Variants in CCDC3 observed in about 807,000 individuals in gnomAD.
The protein encoded by CCDC3 is coiled-coil domain-containing protein 3.
Under a neutral mutation model 21.4 loss-of-function variants are expected in CCDC3, and 24 were observed. The observed-to-expected ratio is 1.12, with a 90% CI of 0.81 to 1.58. The LOEUF (loss-of-function observed/expected upper bound fraction) is 1.58. CCDC3 is among the 40% of genes most tolerant of loss of function. The pLI, the probability that CCDC3 is intolerant of heterozygous loss-of-function variation, is 0.00. For synonymous variants in CCDC3, 186 were observed against 166.0 expected, an observed-to-expected ratio of 1.12 and a Z score of -0.93; for missense variants, 425 against 360.9, an observed-to-expected ratio of 1.18 and a Z score of -1.44.
intron 2 of CCDC3, among the ~76,000 whole-genome samples, chr10:12,969,795 C>A (rs1404918844): frequency 6.7e-6 from 1 of 149,990 alleles, no homozygotes; most frequent in Admixed American, 6.6e-5. Flanking sequence ...GAAATCCTGT[C>A]ATTTGTGACA....
intron 2 of CCDC3, among the ~76,000 whole-genome samples, chr10:12,910,494 C>A (rs1589000338): frequency 6.7e-6 from 1 of 150,182 alleles, no homozygotes; most frequent in Non-Finnish European, 1.5e-5. Context: ...AGATGACAAG[C>A]ACAATGATAC....
At chr10:12,935,785 C>T (rs1406810470) in intron 2 of CCDC3, among the ~76,000 whole-genome samples, 6 of 152,058 alleles carry the variant, frequency 3.9e-5, no homozygotes, top group South Asian at 4.1e-4. Flanking sequence ...CCTGCCTCAA[C>T]CTCTAGAGTA....
intron 5 of CCDC3, among the ~76,000 whole-genome samples, chr10:13,022,095 C>A (rs1026163807): frequency 1.3e-5 from 2 of 152,128 alleles, no homozygotes; most frequent in Non-Finnish European, 2.9e-5. Context: ...TCCTTCCTCC[C>A]CCAGCCCACC....
chr10:12,935,408 TC>T (rs1303716293), intron 2 of CCDC3, among the ~76,000 whole-genome samples: 1 of 152,170 alleles, frequency 6.6e-6, no homozygotes. Flanking sequence ...ATTATGGCAA[TC>T]TATCTTTTAA....
intron 2 of CCDC3, among the ~76,000 whole-genome samples, chr10:12,960,168 A>AACACACAC (rs10626900): frequency 0.61 from 90,319 of 148,580 alleles, 27,223 homozygotes; most frequent in East Asian, 0.71. Flanking sequence ...ACACACACAC[A>AACACACAC]ACACACACAC....
intron 4 of CCDC3, among the ~76,000 whole-genome samples, chr10:13,063,675 C>G (rs935040156): frequency 2.6e-5 from 4 of 152,194 alleles, no homozygotes; most frequent in Admixed American, 2.0e-4. Flanking sequence ...GATGTACCAC[C>G]TCTCTACAAA....
At chr10:13,005,231 A>C (rs983847321), upstream of CCDC3, among the ~76,000 whole-genome samples, 5 of 152,244 alleles carry the variant, frequency 3.3e-5, no homozygotes, top group Non-Finnish European at 7.3e-5. Flanking sequence ...TAATACAGAA[A>C]AATCTTCAAA....
rs1836201324 is a variant in CCDC3, at chr10:13,025,371, A to G, written c.-2+24303T>C. Among the ~76,000 whole-genome samples, 4 of 152,198 alleles carry G rather than the reference A, an allele frequency of 2.6e-5. No individual in the cohort carries two copies. The South Asian group carries it at 8.3e-4, about 32-fold the overall frequency. ...AGCCTTCCCTTGCATCAGTCTTCCT[A>G]AAGTTGCATTGGCCAAAGCTCATCA... On this transcript the variant is annotated intron_variant, in intron 5 of 6. Coordinates refer to the CCDC3 transcript ENST00000378839.
intron 5 of CCDC3, among the ~76,000 whole-genome samples, chr10:13,033,098 A>C (rs1450875952): frequency 2.0e-5 from 3 of 152,238 alleles, no homozygotes; most frequent in Non-Finnish European, 4.4e-5. Context: ...CTATACTACA[A>C]GGCTACAGTA....
chr10:13,059,827 C>T lies in CCDC3; in HGVS notation c.-269-9886G>A, dbSNP rs547459057. ...TGTTTTGGCCGGGCGCGGTGGCTCACGCTTGTAATCCCAGCACTTTGGGAG... is the reference window on the plus strand; with the variant it reads ...TGTTTTGGCCGGGCGCGGTGGCTCATGCTTGTAATCCCAGCACTTTGGGAG... On this transcript the variant is annotated intron_variant, in intron 4 of 6. Coordinates refer to the CCDC3 transcript ENST00000378839. Among the ~76,000 whole-genome samples, 3 of 152,256 alleles carry T rather than the reference C, an allele frequency of 2.0e-5. No homozygotes were observed. In the South Asian group the frequency reaches 6.2e-4, roughly 32 times the overall value.
intron 2 of CCDC3, among the ~76,000 whole-genome samples, chr10:12,901,987 G>A (rs1459181169): frequency 1.3e-5 from 2 of 152,050 alleles, no homozygotes; most frequent in Non-Finnish European, 2.9e-5. Flanking sequence ...GCTTTCCACC[G>A]GGTCTCCCTG....
intron 5 of CCDC3, among the ~76,000 whole-genome samples, chr10:13,007,935 T>A (rs372351055): frequency 5.3e-5 from 8 of 152,106 alleles, no homozygotes; most frequent in African/African-American, 1.9e-4. Context: ...ACATGCAAGA[T>A]AGGAGGAGCT....
chr10:13,037,838 C>A (rs1245061638), intron 5 of CCDC3, among the ~76,000 whole-genome samples: 3 of 152,132 alleles, frequency 2.0e-5, no homozygotes, highest in Non-Finnish European at 4.4e-5. Flanking sequence ...ATCCTTTGAT[C>A]TTGTAGGCAC....
chr10:13,059,078 C>T (rs1468583931), intron 4 of CCDC3, among the ~76,000 whole-genome samples: 2 of 152,154 alleles, frequency 1.3e-5, no homozygotes, highest in African/African-American at 4.8e-5. Context: ...AACTGTCCAC[C>T]AAAGTTTGGT....
chr10:12,962,404 A>G (rs530351966), intron 2 of CCDC3, among the ~76,000 whole-genome samples: 2 of 152,292 alleles, frequency 1.3e-5, no homozygotes, highest in African/African-American at 4.8e-5. Context: ...AGAGATCAAG[A>G]CCATCCTGGC....
At chr10:13,067,127 C>A (rs1471105251) in intron 4 of CCDC3, among the ~76,000 whole-genome samples, 1 of 152,198 alleles carries the variant, frequency 6.6e-6, no homozygotes, top group African/African-American at 2.4e-5. Context: ...AAACTGCACA[C>A]CCCCTCACCC....
At chr10:12,954,822 A>C (rs954043610) in intron 2 of CCDC3, among the ~76,000 whole-genome samples, 1 of 152,228 alleles carries the variant, frequency 6.6e-6, no homozygotes, top group Admixed American at 6.5e-5. Flanking sequence ...GATATAACAC[A>C]TATTTTATAA....
intron 2 of CCDC3, among the ~76,000 whole-genome samples, chr10:12,934,377 T>G (rs1834701532): frequency 6.6e-6 from 1 of 152,232 alleles, no homozygotes. Context: ...ATGTGATCTA[T>G]CTTGGTAAAT....
chr10:12,957,483 T>C (rs910617499), intron 2 of CCDC3, among the ~76,000 whole-genome samples: 31 of 152,306 alleles, frequency 2.0e-4, no homozygotes, highest in African/African-American at 6.0e-4. Flanking sequence ...GCCGACGACA[T>C]AGTTTGGATC....
Sources: gnomAD v4.1 joint callset for allele counts (sites outside exome capture counted in the v4.1 genomes callset) on GRCh38, gnomAD v4.1.1 for gene constraint, MANE v1.5 for transcripts, NCBI Gene and HGNC (gene_info 2026-07-23, HGNC 2026-07-21) for gene names.